The following SMYD3 variants were observed in gnomAD, a reference collection of about 807,000 sequenced individuals.
The protein encoded by SMYD3 is histone-lysine N-methyltransferase SMYD3.
Under a neutral mutation model 57.7 loss-of-function variants are expected in SMYD3, and 36 were observed. That is an observed-to-expected ratio of 0.62 (90% confidence interval 0.48 to 0.82). The LOEUF is 0.82. Among genes scored for constraint, SMYD3 ranks in the 40% least tolerant of loss-of-function variants. The probability of loss-of-function intolerance (pLI) is 0.00; values close to 1 mark genes in which losing one functional copy is unlikely to be tolerated. For missense variants in SMYD3, 515 were observed against 538.8 expected, an observed-to-expected ratio of 0.96 and a Z score of 0.44; for synonymous variants, 211 against 195.0, an observed-to-expected ratio of 1.08 and a Z score of -0.68.
chr1:246,315,758 G>A (rs2065145321), intron 5 of SMYD3, among the ~76,000 whole-genome samples: 1 of 152,156 alleles, frequency 6.6e-6, no homozygotes, highest in Non-Finnish European at 1.5e-5. Flanking sequence ...ACTAAACACA[G>A]AAACTGTAAT....
intron 1 of SMYD3, among the ~76,000 whole-genome samples, chr1:246,422,579 G>A (rs921603945): frequency 2.6e-5 from 4 of 151,878 alleles, no homozygotes; most frequent in Admixed American, 6.6e-5. Context: ...AGCCCACCAC[G>A]CCCAGCTAAT....
intron 5 of SMYD3, among the ~76,000 whole-genome samples, chr1:246,142,206 A>T (rs2061768340): frequency 6.6e-6 from 1 of 152,202 alleles, no homozygotes; most frequent in African/African-American, 2.4e-5. Context: ...TTTCTTATAC[A>T]TACATACCTA....
At chr1:246,461,323 T>G (rs1399708837) in intron 1 of SMYD3, among the ~76,000 whole-genome samples, 1 of 152,170 alleles carries the variant, frequency 6.6e-6, no homozygotes, top group Non-Finnish European at 1.5e-5. Flanking sequence ...CCTAAATACC[T>G]AGTACATGTA....
chr1:246,186,840 C>T (rs1051478253), intron 5 of SMYD3: 4 of 985,488 alleles, frequency 4.1e-6, no homozygotes, highest in Non-Finnish European at 4.8e-6. Context: ...CCCAGTCTCA[C>T]ACTCTCCCCA....
At chr1:246,259,401 A>G (rs1371773358) in intron 5 of SMYD3, among the ~76,000 whole-genome samples, 1 of 151,946 alleles carries the variant, frequency 6.6e-6, no homozygotes, top group Non-Finnish European at 1.5e-5. Context: ...TTCCTCTATA[A>G]TGTTACTGGG....
At chr1:245,763,160 T>C (rs1026810669) in intron 11 of SMYD3, among the ~76,000 whole-genome samples, 3 of 152,198 alleles carry the variant, frequency 2.0e-5, no homozygotes, top group Non-Finnish European at 4.4e-5. Flanking sequence ...CCCAATTAGT[T>C]TCTTGACACT....
intron 5 of SMYD3, among the ~76,000 whole-genome samples, chr1:246,031,918 T>C (rs1287943160): frequency 6.6e-6 from 1 of 152,118 alleles, no homozygotes; most frequent in Admixed American, 6.5e-5. Flanking sequence ...CACCCTGCCT[T>C]TGTTTAAAAT....
chr1:246,183,274 C>CT (rs781616528), intron 5 of SMYD3, among the ~76,000 whole-genome samples: 2 of 152,002 alleles, frequency 1.3e-5, no homozygotes, highest in Non-Finnish European at 2.9e-5. Flanking sequence ...AACTTACAAA[C>CT]TTGAGGAATA....
intron 11 of SMYD3, among the ~76,000 whole-genome samples, chr1:245,752,262 G>A (rs111495457): frequency 1.1e-4 from 16 of 152,310 alleles, no homozygotes; most frequent in Admixed American, 2.6e-4. Flanking sequence ...AGAGAGGGAC[G>A]TAACCCTCCG....
chr1:246,309,876 GAA>G (rs908017042), intron 5 of SMYD3, among the ~76,000 whole-genome samples: 5 of 152,034 alleles, frequency 3.3e-5, no homozygotes, highest in Non-Finnish European at 7.4e-5. Flanking sequence ...AAAGAAAAAA[GAA>G]AAAGATTTAA....
chr1:245,937,517 T>C (rs892919967), intron 5 of SMYD3, among the ~76,000 whole-genome samples: 1 of 152,218 alleles, frequency 6.6e-6, no homozygotes, highest in Non-Finnish European at 1.5e-5. Context: ...TTACCACAGA[T>C]GTCTGTCAAA....
intron 8 of SMYD3, among the ~76,000 whole-genome samples, chr1:245,876,536 TTTC>T (rs2052497284): frequency 6.6e-6 from 1 of 152,250 alleles, no homozygotes; most frequent in African/African-American, 2.4e-5. Context: ...GCTTTTCTTT[TTTC>T]TTGTCTGCTC....
At chr1:246,485,606 A>ACCC (rs34630885) in intron 1 of SMYD3, among the ~76,000 whole-genome samples, 11 of 149,000 alleles carry the variant, frequency 7.4e-5, no homozygotes, top group African/African-American at 2.7e-4. Flanking sequence ...ATACAGTGAG[A>ACCC]CCCCCCCCCA....
Position 245,953,388 on chromosome 1 carries a change from A to G in SMYD3, c.532-23451T>C, listed in dbSNP as rs939064844. On this transcript the variant is annotated intron_variant, in intron 5 of 11. Transcript: ENST00000490107. ...AAATAAAAAGTGAGAAAAAGCAAAC[A>G]TAAAGTAAACTGGCTTAAAAGTAGG... 1.1e-5 allele frequency: 11 copies of G among 967,876 alleles called. No homozygotes were observed. The South Asian group carries it at 3.4e-4, about 30-fold the overall frequency. The allele number at this position is 967,876 out of a possible 1,614,324, so 60.0% of individuals were successfully genotyped here. A position where few individuals can be genotyped will look rare whatever the true frequency, so the allele number is the denominator to read the frequency against.
chr1:246,138,429 A>T (rs942634615), intron 5 of SMYD3, among the ~76,000 whole-genome samples: 4 of 151,116 alleles, frequency 2.6e-5, no homozygotes, highest in African/African-American at 9.7e-5. Flanking sequence ...TTATTTATTT[A>T]TTTATTTTTT....
At chr1:246,041,365 C>G (rs1478895807) in intron 5 of SMYD3, among the ~76,000 whole-genome samples, 13 of 152,212 alleles carry the variant, frequency 8.5e-5, no homozygotes, top group Admixed American at 8.5e-4. Flanking sequence ...TTCTCACTCT[C>G]TCTCCTCAGT....
chr1:246,122,254 T>C (rs1008842023), intron 5 of SMYD3, among the ~76,000 whole-genome samples: 1 of 129,314 alleles, frequency 7.7e-6, no homozygotes, highest in Non-Finnish European at 1.5e-5. Flanking sequence ...TACAAAAAAA[T>C]TTAAAAAATT....
chr1:246,443,760 T>C (rs1217502783), intron 1 of SMYD3, among the ~76,000 whole-genome samples: 2 of 152,234 alleles, frequency 1.3e-5, no homozygotes, highest in East Asian at 1.9e-4. Flanking sequence ...CAGTATGGTA[T>C]ATACGTATCT....
intron 10 of SMYD3, among the ~76,000 whole-genome samples, chr1:245,801,379 G>A (rs988718485): frequency 6.6e-6 from 1 of 152,178 alleles, no homozygotes; most frequent in Admixed American, 6.5e-5. Flanking sequence ...TGGAGGGCAT[G>A]GAATCAGGCC....
Sources: allele counts gnomAD v4.1 joint callset (sites outside exome capture counted in the v4.1 genomes callset), GRCh38; gene constraint gnomAD v4.1.1; transcripts MANE v1.5; gene names NCBI Gene and HGNC (gene_info 2026-07-23, HGNC 2026-07-21).